Variants in MDGA1 observed in about 807,000 individuals in gnomAD.
The protein encoded by MDGA1 is MAM domain-containing glycosylphosphatidylinositol anchor protein 1.
In MDGA1, 54 loss-of-function variants were observed where a neutral mutation model predicts 101.5. The ratio of observed to expected loss-of-function variants is 0.53; its 90% CI spans 0.43 to 0.67. The LOEUF is 0.67. Ranked by LOEUF, MDGA1 falls within the 30% of genes least tolerant of loss-of-function variation. The probability of loss-of-function intolerance (pLI) is 0.00; values close to 1 mark genes in which losing one functional copy is unlikely to be tolerated. For missense variants in MDGA1, 1,083 were observed against 1,323.8 expected (o/e 0.82, Z 2.82); for synonymous variants, 533 against 558.3 (o/e 0.95, Z 0.64).
intron 14 of MDGA1, among the ~76,000 whole-genome samples, chr6:37,642,154 T>TATATAC (rs1764101194): frequency 6.8e-6 from 1 of 146,070 alleles, no homozygotes; most frequent in African/African-American, 2.5e-5. Flanking sequence ...TATGTATATA[T>TATATAC]ATATATATAT....
At chr6:37,643,640 TTCAACTCC>T (rs1434811140) in intron 14 of MDGA1, among the ~76,000 whole-genome samples, 161 bp downstream of exon 14, 32 of 152,192 alleles carry the variant, frequency 2.1e-4, no homozygotes, top group African/African-American at 6.8e-4. Context: ...CAAGCTGGCT[TTCAACTCC>T]TCTTGCCAAT....
chr6:37,667,010 C>T (rs1489163978), intron 1 of MDGA1, among the ~76,000 whole-genome samples: 2 of 152,212 alleles, frequency 1.3e-5, no homozygotes, highest in East Asian at 3.8e-4. Flanking sequence ...GTGATGATAA[C>T]ACAGGATAAA....
rs1761450133 is a variant in MDGA1, at chr6:37,654,912, C to T, written c.600G>A (p.Lys200=). The change falls in exon 5 of 17, where the codon AAG becomes AAA. Residue 200 remains lysine (K), a synonymous_variant. Coordinates refer to ENST00000434837, the MANE Select transcript of MDGA1 (RefSeq NM_153487.4). ...LYTQGETKVL[K]LKNLRPQDYA... ...AGTCCTGGGGCCGCAGGTTCTTCAG[C>T]TTCAGGACCTTGGTCTCCCCCTGGG... 6.2e-7 allele frequency: 1 copy of T among 1,613,380 alleles called. No individual in the cohort carries two copies. Among genetic ancestry groups the T allele is most frequent in the Admixed American group, 1.7e-5 (1 of 59,982 alleles).
At chr6:37,672,068 G>A (rs1201071524) in intron 1 of MDGA1, among the ~76,000 whole-genome samples, 1 of 151,992 alleles carries the variant, frequency 6.6e-6, no homozygotes, top group Non-Finnish European at 1.5e-5. Flanking sequence ...TTGAGCTCAG[G>A]AGGTGGAGAC....
At chr6:37,646,074 G>C in intron 11 of MDGA1, 118 bp from the exon 12 acceptor site, 2 of 1,575,452 alleles carry the variant, frequency 1.3e-6, no homozygotes, top group Non-Finnish European at 1.7e-6. Flanking sequence ...CAGCGGATCT[G>C]GCCTGCAGTG....
At chr6:37,681,003 C>G (rs115040875) in intron 1 of MDGA1, among the ~76,000 whole-genome samples, 3 of 152,042 alleles carry the variant, frequency 2.0e-5, no homozygotes, top group South Asian at 2.1e-4. Context: ...TCAGCCCCCC[C>G]CCCCCAGGAA....
rs755646364 is a variant in MDGA1 at position 37,664,022 on chromosome 6, C to T, written c.152G>A (p.Arg51Gln). The T allele has an allele frequency of 6.2e-6, 10 of 1,613,826 alleles. No individual in the cohort carries two copies. Among genetic ancestry groups the T allele is most frequent in the Admixed American group, 1.7e-5 (1 of 59,994 alleles). Residue 51 changes from arginine to glutamine, a missense_variant, in exon 2 of 17, where the codon CGG (arginine) becomes CAG (glutamine). Around this residue, in one of 3 missense-constraint regions of MDGA1, gnomAD observed 310 missense variants for 355.9 expected, o/e 0.87. Coordinates refer to ENST00000434837, the MANE Select transcript of MDGA1 (RefSeq NM_153487.4). ...CTGCAGCATGAGGGTGTCCCCCTCC[C>T]GGATGGTGTAGACACGCTCGCTGAT... ...DNISERVYTI[R>Q]EGDTLMLQCL...
intron 1 of MDGA1, among the ~76,000 whole-genome samples, chr6:37,670,511 G>C (rs1761845164): frequency 6.6e-6 from 1 of 151,998 alleles, no homozygotes; most frequent in African/African-American, 2.4e-5. Flanking sequence ...TTAAGCCTTA[G>C]TTTTCTCATT....
At chr6:37,653,050 GATC>G (rs1313432457) in intron 6 of MDGA1, among the ~76,000 whole-genome samples, 1 of 152,170 alleles carries the variant, frequency 6.6e-6, no homozygotes, top group Non-Finnish European at 1.5e-5. Flanking sequence ...AAAAAATGTG[GATC>G]ATGTTTGAAA....
chr6:37,682,251 G>GGC (rs879729246), intron 1 of MDGA1, among the ~76,000 whole-genome samples: 7 of 152,208 alleles, frequency 4.6e-5, no homozygotes, highest in Admixed American at 4.6e-4. Flanking sequence ...TTGGGAGGCC[G>GGC]AGGTGGGCAG....
rs752430985 is a variant in MDGA1, at chr6:37,655,944, T to C, written c.383-48A>G. The C allele has an allele frequency of 3.8e-5, 57 of 1,517,834 alleles. No homozygotes were observed. Among genetic ancestry groups the C allele is most frequent in the Non-Finnish European group, 5.1e-5 (57 of 1,123,920 alleles). The allele number at this position is 1,517,834 out of a possible 1,614,324, so 94.0% of individuals were successfully genotyped here. ...GAGTCAGGACTGGGTGACCCCAAGG[T>C]TGGGGGGCTCAGGCTCCTGGCAGCC... On this transcript the variant is annotated intron_variant, in intron 3 of 16. Transcript: ENST00000434837. The surrounding 1 kb of genome is among the most constrained non-coding windows in gnomAD (Gnocchi z 5.1).
chr6:37,639,138 G>A (rs1297091098), intron 14 of MDGA1: 1 of 173,130 alleles, frequency 5.8e-6, no homozygotes, highest in Non-Finnish European at 1.3e-5. Flanking sequence ...AGAGGAGTAT[G>A]TTGGGTCCAG....
At position 37,653,959 on chromosome 6, in the gene MDGA1, C is replaced by A. The variant is rs189248118; in HGVS notation, c.982+315G>T. On this transcript the variant is annotated intron_variant, in intron 6 of 16. Coordinates refer to ENST00000434837, the MANE Select transcript of MDGA1 (RefSeq NM_153487.4). ...GAATGTCCCCATTTAGCTTTTGCAGCCTCAGTTTCCCAATCTTAAAAAAAA... is the reference window on the plus strand; with the variant it reads ...GAATGTCCCCATTTAGCTTTTGCAGACTCAGTTTCCCAATCTTAAAAAAAA... 2.4e-3 allele frequency among the ~76,000 whole-genome samples: 361 copies of A among 148,610 alleles called. 1 individual carries two copies. The highest frequency in any genetic ancestry group is 8.8e-3 in the African/African-American group (351 of 39,750).
intron 7 of MDGA1, among the ~76,000 whole-genome samples, chr6:37,651,525 T>G (rs1450471558): frequency 6.6e-6 from 1 of 152,134 alleles, no homozygotes. Flanking sequence ...ACCAATTAAT[T>G]TATTTTTCCG....
rs1336589749 is a variant in MDGA1 at position 37,654,421 on chromosome 6, G to A, written c.835C>T (p.Pro279Ser). 6.2e-7 allele frequency: 1 copy of A among 1,613,984 alleles called. No individual in the cohort carries two copies. The highest frequency in any genetic ancestry group is 8.5e-7 in the Non-Finnish European group (1 of 1,179,870). ...AGAGCACCCAGGGGCAGTGGGCCAG[G>A]CCCATGGGACCACTGCAGCTGGGGG... ...PLPQLQWSHG[P>S]GPLPLGALAQ... Residue 279 changes from proline to serine, a missense_variant, in exon 6 of 17, where the codon CCT becomes TCT. Physicochemically the swap from Pro to Ser is moderately conservative, Grantham distance 74. This residue lies in a region of MDGA1 where 116 missense variants were observed against 196.6 expected (regional missense o/e 0.59). Transcript: ENST00000434837.
At chr6:37,641,172 C>T (rs1355677531) in intron 14 of MDGA1, among the ~76,000 whole-genome samples, 1 of 152,202 alleles carries the variant, frequency 6.6e-6, no homozygotes, top group Non-Finnish European at 1.5e-5. Context: ...TCCAAGCCAA[C>T]TCATTTCATC....
intron 1 of MDGA1, among the ~76,000 whole-genome samples, chr6:37,684,173 C>G (rs184899745): frequency 1.3e-5 from 2 of 152,354 alleles, no homozygotes; most frequent in African/African-American, 4.8e-5. Context: ...GGCAGTGCTT[C>G]TGCCAGCTAG....
intron 2 of MDGA1, among the ~76,000 whole-genome samples, chr6:37,659,006 G>C (rs1210032804): frequency 6.8e-6 from 1 of 148,044 alleles, no homozygotes; most frequent in Non-Finnish European, 1.5e-5. Flanking sequence ...TTTCCATCTT[G>C]GTCAGTCATT....
chr6:37,678,833 G>A (rs541684412), intron 1 of MDGA1, among the ~76,000 whole-genome samples: 1 of 146,912 alleles, frequency 6.8e-6, no homozygotes, highest in African/African-American at 2.5e-5. Flanking sequence ...CCCTTTCCCT[G>A]CTATGCATGT....
Sources: allele counts gnomAD v4.1 joint callset (sites outside exome capture counted in the v4.1 genomes callset), GRCh38; gene constraint gnomAD v4.1.1; regional missense constraint gnomAD v4.1.1; non-coding constraint Gnocchi (gnomAD v3.1); transcripts MANE v1.5; gene names NCBI Gene and HGNC (gene_info 2026-07-23, HGNC 2026-07-21).